Variants in RAD21 observed in about 807,000 individuals in gnomAD.
RAD21 encodes RAD21 cohesin complex component.
In RAD21, 18 loss-of-function variants were observed where a neutral mutation model predicts 71.5. The ratio of observed to expected loss-of-function variants is 0.25; its 90% CI spans 0.17 to 0.37. The LOEUF is 0.37. Ranked by LOEUF, RAD21 falls within the 10% of genes least tolerant of loss-of-function variation. RAD21 has a pLI of 1.00. For synonymous variants in RAD21, 248 were observed against 254.0 expected (o/e 0.98, Z 0.22); for missense variants, 493 against 769.1 (o/e 0.64, Z 4.25).
At chr8:116,870,009 T>C (rs1812778313) in intron 1 of RAD21, among the ~76,000 whole-genome samples, 1 of 152,280 alleles carries the variant, frequency 6.6e-6, no homozygotes, top group Non-Finnish European at 1.5e-5. Flanking sequence ...CAAAAATATT[T>C]TGGAGGGTGG....
chr8:116,851,011 C>T (rs1812338155), intron 11 of RAD21: 1 of 288,160 alleles, frequency 3.5e-6, no homozygotes, highest in African/African-American at 2.2e-5. Context: ...CATTTTCATA[C>T]TTACTTTTTA....
intron 1 of RAD21, among the ~76,000 whole-genome samples, chr8:116,873,104 T>C (rs1812868268): frequency 6.6e-6 from 1 of 152,254 alleles, no homozygotes; most frequent in South Asian, 2.1e-4. Flanking sequence ...GCCAGTATAA[T>C]CATGCCTAAC....
At chr8:116,849,521 C>T (rs555942726) in intron 12 of RAD21, 1 of 152,674 alleles carries the variant, frequency 6.5e-6, no homozygotes, top group South Asian at 2.1e-4. Flanking sequence ...TGCAGACTAC[C>T]TAAGTTGATT....
chr8:116,854,556 T>A, intron 8 of RAD21, 88 bp from the exon 9 acceptor site: 1 of 984,460 alleles, frequency 1.0e-6, no homozygotes, highest in Non-Finnish European at 1.6e-6. Context: ...TATATTCCCC[T>A]GCTTTTCTAC....
At chr8:116,865,686 C>A (rs1314514413) in intron 2 of RAD21, among the ~76,000 whole-genome samples, 1 of 152,176 alleles carries the variant, frequency 6.6e-6, no homozygotes, top group Non-Finnish European at 1.5e-5. Flanking sequence ...ATCCTACCAT[C>A]TACAGAAATC....
At chr8:116,854,536 C>G in intron 8 of RAD21, 68 bp from the exon 9 acceptor site, 2 of 1,163,536 alleles carry the variant, frequency 1.7e-6, no homozygotes, top group South Asian at 1.3e-5. Flanking sequence ...GCTACAAGAT[C>G]TGGACTGACT....
At chr8:116,863,553 G>C (rs1812631838) in intron 2 of RAD21, among the ~76,000 whole-genome samples, 1 of 152,194 alleles carries the variant, frequency 6.6e-6, no homozygotes, top group East Asian at 1.9e-4. Flanking sequence ...ATTGTTTCTT[G>C]CTAAGTCAAT....
intron 4 of RAD21, 95 bp downstream of exon 4, chr8:116,861,746 T>C: frequency 1.2e-6 from 1 of 812,226 alleles, no homozygotes; most frequent in Non-Finnish European, 2.0e-6. Flanking sequence ...TAGCTGTTAA[T>C]GTAAAACATT....
intron 5 of RAD21, 21 bp from the exon 6 acceptor site, chr8:116,857,494 C>A: frequency 6.3e-7 from 1 of 1,587,214 alleles, no homozygotes; most frequent in South Asian, 1.1e-5. Context: ...TTTAATTTGT[C>A]ATTAGTTTAG....
At chr8:116,856,351 C>CAAA in intron 7 of RAD21, 63 bp from the exon 8 acceptor site, 1 of 1,336,942 alleles carries the variant, frequency 7.5e-7, no homozygotes, top group Admixed American at 3.0e-5. Context: ...ATATATCCCA[C>CAAA]AAATGGGGAG....
At chr8:116,867,948 CTAT>C (rs1812731226) in intron 1 of RAD21, among the ~76,000 whole-genome samples, 1 of 152,190 alleles carries the variant, frequency 6.6e-6, no homozygotes, top group Non-Finnish European at 1.5e-5. Context: ...AGATACACAG[CTAT>C]TCCATCACTA....
intron 12 of RAD21, 125 bp downstream of exon 12, chr8:116,850,493 G>T: frequency 7.1e-7 from 1 of 1,413,002 alleles, no homozygotes; most frequent in Non-Finnish European, 9.5e-7. Context: ...GTAAAATTTT[G>T]CTTATATTCT....
chr8:116,856,128 G>T, intron 8 of RAD21, 38 bp downstream of exon 8: 1 of 1,590,016 alleles, frequency 6.3e-7, no homozygotes, highest in Admixed American at 1.8e-5. Flanking sequence ...AGGACCTTAT[G>T]TTGTATGCTG....
intron 1 of RAD21, among the ~76,000 whole-genome samples, chr8:116,868,308 T>C (rs867913305): frequency 6.6e-6 from 1 of 152,234 alleles, no homozygotes; most frequent in African/African-American, 2.4e-5. Flanking sequence ...GTGATCCAAG[T>C]TGTTACGTTT....
At chr8:116,858,817 T>C (rs190970943) in intron 4 of RAD21, among the ~76,000 whole-genome samples, 2 of 152,208 alleles carry the variant, frequency 1.3e-5, no homozygotes, top group East Asian at 3.9e-4. Flanking sequence ...CTGACTTCCC[T>C]GAGACTCAGT....
intron 9 of RAD21, among the ~76,000 whole-genome samples, 186 bp from the exon 10 acceptor site, chr8:116,852,894 G>T (rs1455760779): frequency 6.6e-6 from 1 of 151,934 alleles, no homozygotes; most frequent in Non-Finnish European, 1.5e-5. Context: ...AATTATAACT[G>T]CAGACATTTT....
chr8:116,857,226 G>A, intron 6 of RAD21, 41 bp downstream of exon 6: 1 of 1,545,112 alleles, frequency 6.5e-7, no homozygotes, highest in Non-Finnish European at 8.9e-7. Flanking sequence ...ACTTAATAAA[G>A]AAATTCTGTT....
chr8:116,866,909 C>A, intron 1 of RAD21, 148 bp from the exon 2 acceptor site: 3 of 480,360 alleles, frequency 6.2e-6, no homozygotes, highest in Non-Finnish European at 6.7e-6. Flanking sequence ...TTAAAAACAA[C>A]AGATTTAAAA....
chr8:116,846,538 G>C lies in RAD21; in HGVS notation c.*962C>G, dbSNP rs777350890. 4.4e-6 allele frequency: 1 copy of C among 228,028 alleles called. No individual in the cohort carries two copies. The highest frequency in any genetic ancestry group is 5.7e-5 in the Admixed American group (1 of 17,604). The allele number at this position is 228,028 out of a possible 1,614,324, so 14.1% of individuals were successfully genotyped here. ...AGGAGTGTGCAGCACTGGAAAAGGA[G>C]ATCAGTACTAAAACTTACAATAAAT... On this transcript the variant is annotated 3_prime_UTR_variant, in exon 14 of 14. Transcript: ENST00000297338.
Sources: allele counts gnomAD v4.1 joint callset (sites outside exome capture counted in the v4.1 genomes callset), GRCh38; gene constraint gnomAD v4.1.1; transcripts MANE v1.5; gene names NCBI Gene and HGNC (gene_info 2026-07-23, HGNC 2026-07-21).